The following NEK9 variants were observed in gnomAD, a reference collection of about 807,000 sequenced individuals.
NEK9 encodes the protein serine/threonine-protein kinase Nek9.
NEK9 carries 75 observed loss-of-function variants against 123.4 expected under a neutral mutation model. The observed-to-expected ratio is 0.61, with a 90% confidence interval of 0.50 to 0.74. NEK9 has a LOEUF of 0.74. Ranked by LOEUF, NEK9 falls within the 30% of genes least tolerant of loss-of-function variation. The pLI is 0.00. For missense variants in NEK9, 952 were observed against 1,214.4 expected (o/e 0.78, Z 3.21); for synonymous variants, 438 against 458.7 (o/e 0.95, Z 0.58).
At chr14:75,107,275 A>T in intron 11 of NEK9, 68 bp downstream of exon 11, 1 of 1,504,526 alleles carries the variant, frequency 6.6e-7, no homozygotes, top group East Asian at 2.4e-5. Context: ...CCCAACTAAG[A>T]TTGCACAGCA....
intron 6 of NEK9, 89 bp downstream of exon 6, chr14:75,117,106 A>C: frequency 7.0e-7 from 1 of 1,426,152 alleles, no homozygotes; most frequent in South Asian, 1.4e-5. Flanking sequence ...GCCAGAAATC[A>C]GAAGCCTGGG....
At chr14:75,089,993 G>T (rs1011909050) in intron 19 of NEK9, among the ~76,000 whole-genome samples, 1 of 152,048 alleles carries the variant, frequency 6.6e-6, no homozygotes, top group Admixed American at 6.6e-5. Flanking sequence ...CACCTTGCCC[G>T]GCTAATTTTT....
At chr14:75,113,523 T>C (rs928691786) in intron 7 of NEK9, 120 bp from the exon 8 acceptor site, 1 of 689,440 alleles carries the variant, frequency 1.5e-6, no homozygotes, top group Non-Finnish European at 2.5e-6. Context: ...ATTTCTTATG[T>C]GATACTCCAT....
chr14:75,119,719 G>C (rs1895261386), intron 4 of NEK9, among the ~76,000 whole-genome samples: 1 of 152,122 alleles, frequency 6.6e-6, no homozygotes, highest in Non-Finnish European at 1.5e-5. Context: ...GATATGATTA[G>C]GCCATTTAGT....
At chr14:75,095,507 A>C in intron 17 of NEK9, 76 bp from the exon 18 acceptor site, 1 of 910,098 alleles carries the variant, frequency 1.1e-6, no homozygotes, top group Non-Finnish European at 1.8e-6. Context: ...TAGGATAGGG[A>C]GATAATTGCT....
At chr14:75,113,879 A>G (rs1182599050) in intron 7 of NEK9, among the ~76,000 whole-genome samples, 1 of 152,250 alleles carries the variant, frequency 6.6e-6, no homozygotes, top group Admixed American at 6.5e-5. Context: ...GACATTCTGT[A>G]TTAGAAGTGG....
chr14:75,123,750 T>C (rs952837857), intron 2 of NEK9, among the ~76,000 whole-genome samples: 6 of 152,184 alleles, frequency 3.9e-5, no homozygotes, highest in South Asian at 2.1e-4. Context: ...GGTTAACTAA[T>C]GTCATTTCAT....
In NEK9 at chr14:75,101,144, C is replaced by T. The variant is rs375873968; in HGVS notation, c.1850G>A (p.Arg617Gln). Residue 617 changes from arginine to glutamine, a missense_variant, in exon 16 of 22, where the codon CGG becomes CAG. By Grantham distance (43) the Arg-to-Gln change is conservative. Transcript: ENST00000238616. Reference protein sequence around the residue: ...THTAAIDERGRLLTFGCNKCG... With the variant: ...THTAAIDERGQLLTFGCNKCG... ...CTTGTTGCAGCCAAAGGTCAGCAGC[C>T]GGCCTCGCTCTGAGAGAGAAGCAAA... 9.5e-5 allele frequency: 154 copies of T among 1,613,822 alleles called. No individual in the cohort carries two copies. Among genetic ancestry groups the T allele is most frequent in the Non-Finnish European group, 1.2e-4 (146 of 1,179,942 alleles).
chr14:75,123,258 G>A (rs988845215), intron 2 of NEK9, among the ~76,000 whole-genome samples: 3 of 152,012 alleles, frequency 2.0e-5, no homozygotes, highest in Admixed American at 2.0e-4. Flanking sequence ...AAAATTAGCT[G>A]GGCGTGGTGG....
At chr14:75,125,400 T>C (rs1054428283) in intron 1 of NEK9, among the ~76,000 whole-genome samples, 14 of 152,204 alleles carry the variant, frequency 9.2e-5, no homozygotes, top group African/African-American at 3.4e-4. Flanking sequence ...TTTGGTGATA[T>C]GGACAACGCT....
At chr14:75,121,305 G>T (rs1895325275) in intron 2 of NEK9, 131 bp from the exon 3 acceptor site, 7 of 617,132 alleles carry the variant, frequency 1.1e-5, no homozygotes, top group Non-Finnish European at 2.0e-5. Flanking sequence ...TACTTCTTTT[G>T]ACTTTTCACA....
intron 4 of NEK9, 99 bp from the exon 5 acceptor site, chr14:75,119,034 G>A: frequency 1.4e-6 from 1 of 725,640 alleles, no homozygotes; most frequent in East Asian, 2.7e-5. Context: ...AATGAGTGTG[G>A]GCCGGGTACA....
chr14:75,099,526 A>G (rs1894493152), intron 16 of NEK9, among the ~76,000 whole-genome samples: 1 of 152,178 alleles, frequency 6.6e-6, no homozygotes, highest in African/African-American at 2.4e-5. Flanking sequence ...TCACGCCTAT[A>G]ATCCCAGCAC....
At chr14:75,116,648 G>A (rs2054064843) in intron 6 of NEK9, 1 of 190,602 alleles carries the variant, frequency 5.2e-6, no homozygotes, top group Non-Finnish European at 1.2e-5. Context: ...TTTTTTTTGA[G>A]ACAGGGTCTT....
chr14:75,101,189 A>G, intron 15 of NEK9, 36 bp from the exon 16 acceptor site: 1 of 1,593,344 alleles, frequency 6.3e-7, no homozygotes, highest in South Asian at 1.1e-5. Context: ...CAAGGCACAA[A>G]TGAGTCCTGG....
chr14:75,102,857 G>A (rs562686341), intron 14 of NEK9, among the ~76,000 whole-genome samples: 38 of 152,048 alleles, frequency 2.5e-4, no homozygotes, highest in East Asian at 7.7e-4. Context: ...AAACTAAGAC[G>A]CAGCCATAAA....
In NEK9 at chr14:75,084,728, C is replaced by T. The variant is rs775837303; in HGVS notation, c.2818-42G>A. ...CGGTTCCACATTAGCAACAGTGCCA[C>T]CTAGTCACAGAAGTAGTTCAGTACT... On this transcript the variant is annotated intron_variant, in intron 21 of 21. Coordinates refer to ENST00000238616, the MANE Select transcript of NEK9 (RefSeq NM_033116.6). 3.7e-6 allele frequency: 6 copies of T among 1,613,202 alleles called. No homozygotes were observed. In the South Asian group the frequency reaches 5.5e-5, roughly 15 times the overall value.
At chr14:75,122,789 C>CTCT (rs1895382252) in intron 2 of NEK9, among the ~76,000 whole-genome samples, 1 of 80,106 alleles carries the variant, frequency 1.2e-5, no homozygotes, top group African/African-American at 5.3e-5. Flanking sequence ...CCACGCCCAG[C>CTCT]TTTTTTTTTT....
rs1480859335 is a variant in NEK9, at chr14:75,097,208, T to C, written c.2065A>G (p.Arg689Gly). The change falls in exon 17 of 22, where the codon AGA becomes GGA. Residue 689 changes from arginine (R) to glycine (G), a missense_variant. Physicochemically the swap from Arg to Gly is moderately radical, Grantham distance 125. Around this residue, in one of 4 missense-constraint regions of NEK9, gnomAD observed 698 missense variants for 875.6 expected, o/e 0.80. Transcript: ENST00000238616. ...NGRLAMTPTE[R>G]PHGSDICTSW... is the part of the protein sequence containing the mutation. ...GTACAGATATCAGAGCCATGTGGTC[T>C]CTCTGTGGGGGTCATTGCCAGGCGG... 1 of 1,613,046 alleles carries C rather than the reference T, an allele frequency of 6.2e-7. No individual in the cohort carries two copies. Among genetic ancestry groups the C allele is most frequent in the Non-Finnish European group, 8.5e-7 (1 of 1,179,364 alleles).
Sources: gnomAD v4.1 joint callset for allele counts (sites outside exome capture counted in the v4.1 genomes callset) on GRCh38, gnomAD v4.1.1 for gene constraint, gnomAD v4.1.1 regional missense constraint, MANE v1.5 for transcripts, NCBI Gene and HGNC (gene_info 2026-07-23, HGNC 2026-07-21) for gene names.